Variants in ROBO1 observed in about 807,000 individuals in gnomAD.
ROBO1 encodes the protein roundabout guidance receptor 1.
A neutral mutation model predicts 195.9 loss-of-function variants in ROBO1; 149 were observed. The ratio of observed to expected loss-of-function variants is 0.76; its 90% CI spans 0.67 to 0.87. ROBO1 has a LOEUF of 0.87. Ranked by LOEUF, ROBO1 falls within the 40% of genes least tolerant of loss-of-function variation. The probability of loss-of-function intolerance (pLI) is 0.00; values close to 1 mark genes in which losing one functional copy is unlikely to be tolerated. For synonymous variants in ROBO1, 816 were observed against 733.2 expected, an observed-to-expected ratio of 1.11 and a Z score of -1.82; for missense variants, 1,933 against 2,068.3, an observed-to-expected ratio of 0.93 and a Z score of 1.27.
chr3:79,005,815 C>T (rs2077606524), intron 3 of ROBO1, among the ~76,000 whole-genome samples: 1 of 152,082 alleles, frequency 6.6e-6, no homozygotes, highest in Non-Finnish European at 1.5e-5. Flanking sequence ...ATTACTGACC[C>T]TTCAGAGTAA....
At position 79,589,761 on chromosome 3, in the gene ROBO1, G is replaced by T. The variant is rs1560019122; in HGVS notation, c.88+63C>A. ...TGATTTGCAACACACACAATAAAAA[G>T]TGAATTTAAAGCAAAGAGGGAATAC... On this transcript the variant is annotated intron_variant, in intron 2 of 30. Coordinates refer to ENST00000464233, the MANE Select transcript of ROBO1 (RefSeq NM_002941.4). 10 of 1,315,980 alleles carry T rather than the reference G, an allele frequency of 7.6e-6. No homozygotes were observed. The South Asian group carries it at 1.2e-4, about 16-fold the overall frequency. 81.5% of individuals were successfully genotyped at this position (1,315,980 alleles called of 1,614,324 possible). A position where few individuals can be genotyped will look rare whatever the true frequency, so the allele number is the denominator to read the frequency against.
At chr3:79,742,962 CTT>C (rs1029516676) in intron 1 of ROBO1, among the ~76,000 whole-genome samples, 1 of 152,188 alleles carries the variant, frequency 6.6e-6, no homozygotes, top group Non-Finnish European at 1.5e-5. Context: ...GTAAATTAGA[CTT>C]GAGCAGATTG....
chr3:79,240,722 C>G (rs2082497228), intron 2 of ROBO1, among the ~76,000 whole-genome samples: 1 of 152,128 alleles, frequency 6.6e-6, no homozygotes, highest in Non-Finnish European at 1.5e-5. Context: ...TCAGGGCTCA[C>G]TGAAGGCTTG....
intron 1 of ROBO1, among the ~76,000 whole-genome samples, chr3:79,766,005 A>T (rs773397175): frequency 3.3e-5 from 5 of 151,870 alleles, no homozygotes; most frequent in Non-Finnish European, 7.4e-5. Flanking sequence ...AGGTCGGGGC[A>T]CTCCTTGGCG....
intron 2 of ROBO1, among the ~76,000 whole-genome samples, chr3:79,220,586 A>G (rs2082120723): frequency 6.6e-6 from 1 of 151,888 alleles, no homozygotes. Flanking sequence ...TAGGCTTCTA[A>G]TTGCAATGAT....
intron 5 of ROBO1, among the ~76,000 whole-genome samples, chr3:78,742,029 T>A (rs1442820375): frequency 6.6e-6 from 1 of 152,196 alleles, no homozygotes; most frequent in Middle Eastern, 3.4e-3. Flanking sequence ...AAGAAATGAA[T>A]TAAGAACTTA....
chr3:79,045,489 T>C (rs911856755), intron 3 of ROBO1, among the ~76,000 whole-genome samples: 11 of 152,158 alleles, frequency 7.2e-5, no homozygotes, highest in South Asian at 4.1e-4. Context: ...TGGAGATATA[T>C]GGAGAGACGA....
intron 2 of ROBO1, among the ~76,000 whole-genome samples, chr3:79,294,057 CAAAAA>C (rs71631641): frequency 4.1e-4 from 12 of 29,052 alleles, no homozygotes; most frequent in South Asian, 3.4e-3. Flanking sequence ...GACTCCATCT[CAAAAA>C]AAAAAAAAAA....
chr3:79,196,508 GAGGGCTCAC>G (rs1454261193), intron 2 of ROBO1, among the ~76,000 whole-genome samples: 2 of 151,710 alleles, frequency 1.3e-5, no homozygotes, highest in African/African-American at 4.8e-5. Flanking sequence ...TAACTATATG[GAGGGCTCAC>G]AGAGTTCTTC....
At chr3:79,492,222 T>TA (rs1939498574) in intron 2 of ROBO1, among the ~76,000 whole-genome samples, 1 of 151,966 alleles carries the variant, frequency 6.6e-6, no homozygotes, top group Admixed American at 6.6e-5. Context: ...GTCAGGAGTT[T>TA]GATACCAGCC....
intron 4 of ROBO1, among the ~76,000 whole-genome samples, chr3:78,792,345 A>G (rs2084045714): frequency 6.6e-6 from 1 of 152,188 alleles, no homozygotes; most frequent in Non-Finnish European, 1.5e-5. Flanking sequence ...TCATCCTGTC[A>G]TTCTTGCAAC....
chr3:79,549,017 C>T (rs1402413117), intron 2 of ROBO1, among the ~76,000 whole-genome samples: 2 of 152,114 alleles, frequency 1.3e-5, no homozygotes, highest in Admixed American at 6.6e-5. Flanking sequence ...TTGCTAGTGA[C>T]TGAATTGTTC....
intron 2 of ROBO1, among the ~76,000 whole-genome samples, chr3:79,174,062 G>A (rs962167535): frequency 6.6e-6 from 1 of 152,112 alleles, no homozygotes; most frequent in Non-Finnish European, 1.5e-5. Context: ...CAATCAGCAG[G>A]ATGTGGGTGG....
chr3:79,444,262 G>A (rs2039159889), intron 2 of ROBO1, among the ~76,000 whole-genome samples: 1 of 151,898 alleles, frequency 6.6e-6, no homozygotes, highest in Admixed American at 6.6e-5. Flanking sequence ...GCTGTATAAA[G>A]AACTCCCAAT....
chr3:79,076,537 G>T (rs1253191993), intron 3 of ROBO1, among the ~76,000 whole-genome samples: 1 of 151,490 alleles, frequency 6.6e-6, no homozygotes, highest in African/African-American at 2.4e-5. Flanking sequence ...GGGATATCTG[G>T]AGAATAGTAT....
At chr3:79,309,371 C>T (rs527352592) in intron 2 of ROBO1, among the ~76,000 whole-genome samples, 2 of 152,228 alleles carry the variant, frequency 1.3e-5, no homozygotes, top group East Asian at 3.9e-4. Context: ...AAGTTCGAGA[C>T]CAGCCTGGGC....
At chr3:78,885,434 A>C (rs1428739597) in intron 4 of ROBO1, among the ~76,000 whole-genome samples, 68 of 150,368 alleles carry the variant, frequency 4.5e-4, no homozygotes, top group Admixed American at 1.7e-3. Context: ...AAAAAAAAAA[A>C]AAAAAAAACT....
intron 3 of ROBO1, among the ~76,000 whole-genome samples, chr3:79,061,679 A>C (rs919849683): frequency 1.3e-5 from 2 of 151,966 alleles, no homozygotes; most frequent in African/African-American, 4.8e-5. Flanking sequence ...CAGAACAGAG[A>C]CCTCAGAAAT....
intron 2 of ROBO1, among the ~76,000 whole-genome samples, chr3:79,448,049 T>A (rs1240644452): frequency 1.3e-5 from 2 of 152,346 alleles, no homozygotes; most frequent in East Asian, 3.9e-4. Context: ...CTTTTTGGTA[T>A]GTTATATAAG....
Sources: allele counts gnomAD v4.1 joint callset (sites outside exome capture counted in the v4.1 genomes callset), GRCh38; gene constraint gnomAD v4.1.1; transcripts MANE v1.5; gene names NCBI Gene and HGNC (gene_info 2026-07-23, HGNC 2026-07-21).